The following TNRC18 variants were observed in gnomAD, a reference collection of about 807,000 sequenced individuals.
TNRC18 encodes the protein trinucleotide repeat containing 18.
A neutral mutation model predicts 226.7 loss-of-function variants in TNRC18; 69 were observed. That is an observed-to-expected ratio of 0.30 (90% confidence interval 0.25 to 0.37). The LOEUF (loss-of-function observed/expected upper bound fraction) is 0.37. Among genes scored for constraint, TNRC18 ranks in the 10% least tolerant of loss-of-function variants. TNRC18 has a pLI of 1.00. For synonymous variants in TNRC18, 2,449 were observed against 1,927.6 expected (o/e 1.27, Z -7.09); for missense variants, 4,754 against 4,256.6 (o/e 1.12, Z -3.25).
At chr7:5,362,069 G>A in intron 12 of TNRC18, 36 bp from the exon 13 acceptor site, 2 of 1,605,408 alleles carry the variant, frequency 1.2e-6, no homozygotes, top group Non-Finnish European at 1.7e-6. Flanking sequence ...AGGGGGTGAG[G>A]ATGCCACTGC....
In TNRC18 at chr7:5,345,598, T is replaced by C; in HGVS notation, c.5683A>G (p.Lys1895Glu). The C allele has an allele frequency of 7.3e-7, 1 of 1,374,510 alleles. No individual in the cohort carries two copies. Among genetic ancestry groups the C allele is most frequent in the South Asian group, 1.2e-5 (1 of 82,100 alleles). 85.1% of individuals were successfully genotyped at this position (1,374,510 alleles called of 1,614,324 possible). Reference sequence around the variant, plus strand: ...TGCCGCTCCTCTTTCTTCCGGGCCTTCTGCTTGGCCTCCAGCTGTACCACA... The same window carrying C: ...TGCCGCTCCTCTTTCTTCCGGGCCTCCTGCTTGGCCTCCAGCTGTACCACA... ...LSVVQLEAKQKARKKEERQSL... is the reference protein window; with the variant it reads ...LSVVQLEAKQEARKKEERQSL... The change falls in exon 18 of 30, where the codon AAG becomes GAG. Residue 1895 changes from lysine to glutamate, a missense_variant. Coordinates refer to ENST00000430969, the MANE Select transcript of TNRC18 (RefSeq NM_001080495.3).
Position 5,394,074 on chromosome 7 carries a change from C to T in TNRC18, c.343+366G>A, listed in dbSNP as rs1377552003. 6.6e-6 allele frequency among the ~76,000 whole-genome samples: 1 copy of T among 152,092 alleles called. No homozygotes were observed. Among genetic ancestry groups the T allele is most frequent in the African/African-American group, 2.4e-5 (1 of 41,396 alleles). On this transcript the variant is annotated intron_variant, in intron 3 of 29. Coordinates refer to ENST00000430969, the MANE Select transcript of TNRC18 (RefSeq NM_001080495.3). This position sits in a 1 kb window ranked among gnomAD's most constrained non-coding sequence, Gnocchi z 4.5. ...ACAGTGCTGAGTAGATCACACTAGG[C>T]CCTGAACTCAGGGCTCACTCCGGTG...
rs7791057 is a variant in TNRC18, at chr7:5,393,041, G to C, written c.343+1399C>G. 1.8e-4 allele frequency among the ~76,000 whole-genome samples: 28 copies of C among 152,156 alleles called. No individual in the cohort carries two copies. The East Asian group carries it at 4.8e-3, about 26-fold the overall frequency. On this transcript the variant is annotated intron_variant, in intron 3 of 29. Coordinates refer to ENST00000430969, the MANE Select transcript of TNRC18 (RefSeq NM_001080495.3). ...AAAAGGGCCTAACAGTCCCTCCCCC[G>C]GGCAGGGCTGGCTCTGAGGCTGAAG...
chr7:5,314,690 A>G (rs1466017656), intron 26 of TNRC18, among the ~76,000 whole-genome samples: 2 of 148,626 alleles, frequency 1.3e-5, no homozygotes, highest in Non-Finnish European at 3.0e-5. Context: ...CTCCTGCCTC[A>G]GCCTCCCACG....
intron 14 of TNRC18, among the ~76,000 whole-genome samples, chr7:5,361,295 A>T (rs192197217): frequency 0.012 from 1,825 of 152,256 alleles, 38 homozygotes; most frequent in African/African-American, 0.042. Flanking sequence ...GCGCGTGGAA[A>T]AGAGGAGGAA....
intron 17 of TNRC18, among the ~76,000 whole-genome samples, chr7:5,349,278 G>T (rs989939320): frequency 1.3e-5 from 2 of 152,328 alleles, no homozygotes; most frequent in Admixed American, 1.3e-4. Context: ...GCAGGCTGGG[G>T]AGCAGAGGGG....
chr7:5,320,012 G>A, intron 24 of TNRC18: 2 of 340,122 alleles, frequency 5.9e-6, no homozygotes, highest in Non-Finnish European at 1.1e-5. Flanking sequence ...GAACTTGTGT[G>A]GGAAAACCGA....
At chr7:5,359,592 G>T in intron 14 of TNRC18, 23 bp from the exon 15 acceptor site, 1 of 1,612,568 alleles carries the variant, frequency 6.2e-7, no homozygotes. Flanking sequence ...CACACTGCCG[G>T]TCAGCACCCT....
intron 17 of TNRC18, among the ~76,000 whole-genome samples, chr7:5,350,383 G>A (rs1171911656): frequency 6.7e-6 from 1 of 150,120 alleles, no homozygotes; most frequent in African/African-American, 2.4e-5. Flanking sequence ...GGAGGTCTGG[G>A]AGGGGAGGCG....
chr7:5,375,796 T>C (rs1333684420), intron 9 of TNRC18, among the ~76,000 whole-genome samples: 1 of 152,186 alleles, frequency 6.6e-6, no homozygotes, highest in East Asian at 1.9e-4. Flanking sequence ...TCCTGCACCC[T>C]GCCCTGCCAA....
rs747497225 is a variant in TNRC18 at position 5,374,439 on chromosome 7, T to C, written c.2845A>G (p.Lys949Glu). Reference sequence around the variant, plus strand: ...GCCTCCAGGCCCCGCTTGCTCCCCTTCTCTTCCATCTCCGCCCGGTGCTCC... The same window carrying C: ...GCCTCCAGGCCCCGCTTGCTCCCCTCCTCTTCCATCTCCGCCCGGTGCTCC... ...AQEHRAEMEE[K>E]GSKRGLEAAG... is the part of the protein sequence containing the mutation. Residue 949 changes from lysine (K) to glutamate (E), a missense_variant, in exon 10 of 30, where the codon AAG becomes GAG. Physicochemically the swap from Lys to Glu is moderately conservative, Grantham distance 56. Transcript: ENST00000430969. The C allele has an allele frequency of 9.1e-6, 14 of 1,545,882 alleles. No homozygotes were observed. The highest frequency in any genetic ancestry group is 1.2e-5 in the Non-Finnish European group (14 of 1,145,238).
At chr7:5,412,768 G>A (rs948414108) in intron 2 of TNRC18, among the ~76,000 whole-genome samples, 5 of 152,126 alleles carry the variant, frequency 3.3e-5, no homozygotes, top group East Asian at 1.9e-4. Flanking sequence ...TCTAGATGGA[G>A]CAGTGTTCTA....
At chr7:5,420,618 T>C in intron 2 of TNRC18, 1 of 458,556 alleles carries the variant, frequency 2.2e-6, no homozygotes, top group Non-Finnish European at 4.4e-6. Context: ...GTGGTGGAGC[T>C]GGGAACAGAA....
intron 18 of TNRC18, among the ~76,000 whole-genome samples, chr7:5,344,540 G>A (rs1331913161): frequency 1.3e-5 from 2 of 152,176 alleles, no homozygotes; most frequent in Admixed American, 6.5e-5. Context: ...CTGGAGGTCA[G>A]GGGTGGGGCT....
At chr7:5,349,413 CTTT>C (rs1428655848) in intron 17 of TNRC18, among the ~76,000 whole-genome samples, 1 of 152,168 alleles carries the variant, frequency 6.6e-6, no homozygotes, top group Non-Finnish European at 1.5e-5. Context: ...TGCAGAAAAA[CTTT>C]TTATTATTAT....
intron 18 of TNRC18, 45 bp downstream of exon 18, chr7:5,345,517 G>GGGGGGGGCGCCCCCCCCCCCCC: frequency 2.6e-6 from 1 of 377,742 alleles, no homozygotes; most frequent in Non-Finnish European, 4.8e-6. Context: ...AATGGCGTCC[G>GGGGGGGGCGCCCCCCCCCCCCC]CCCCTCCCAC....
At chr7:5,378,734 T>C (rs1391052246) in intron 5 of TNRC18, among the ~76,000 whole-genome samples, 1 of 151,912 alleles carries the variant, frequency 6.6e-6, no homozygotes, top group Non-Finnish European at 1.5e-5. Context: ...GCTATTTTAA[T>C]GACGGGAAGG....
intron 18 of TNRC18, among the ~76,000 whole-genome samples, chr7:5,339,784 G>A (rs1262338464): frequency 1.3e-5 from 2 of 151,288 alleles, no homozygotes; most frequent in African/African-American, 4.9e-5. Flanking sequence ...TGGTCAGGCT[G>A]GTCTCGAACT....
intron 18 of TNRC18, among the ~76,000 whole-genome samples, chr7:5,344,951 C>A (rs1438699704): frequency 6.6e-6 from 1 of 152,122 alleles, no homozygotes; most frequent in Non-Finnish European, 1.5e-5. Context: ...AGTGTGAGTG[C>A]CTGCTGCCTT....
Sources: gnomAD v4.1 joint callset for allele counts (sites outside exome capture counted in the v4.1 genomes callset) on GRCh38, gnomAD v4.1.1 for gene constraint, Gnocchi (gnomAD v3.1) non-coding constraint, MANE v1.5 for transcripts, NCBI Gene and HGNC (gene_info 2026-07-23, HGNC 2026-07-21) for gene names.